ATXN7L1: variants seen among roughly 807,000 people sequenced by gnomAD.
ATXN7L1 encodes ataxin-7-like protein 1.
Under a neutral mutation model 70.8 loss-of-function variants are expected in ATXN7L1, and 15 were observed. That is an observed-to-expected ratio of 0.21 (90% CI 0.14 to 0.33). The LOEUF (loss-of-function observed/expected upper bound fraction) is 0.33, where lower values mean the gene tolerates loss of function less well. ATXN7L1 is among the 10% of genes least tolerant of loss of function. The pLI is 1.00. For missense variants in ATXN7L1, 975 were observed against 1,097.1 expected (o/e 0.89, Z 1.57); for synonymous variants, 440 against 445.1 (o/e 0.99, Z 0.14).
intron 3 of ATXN7L1, among the ~76,000 whole-genome samples, chr7:105,738,614 T>G (rs952607963): frequency 8.5e-5 from 13 of 152,226 alleles, no homozygotes; most frequent in Non-Finnish European, 1.9e-4. Flanking sequence ...AAATTGACGA[T>G]CAATGATTTT....
At chr7:105,737,528 C>CGCGTGT (rs1797526153) in intron 3 of ATXN7L1, among the ~76,000 whole-genome samples, 4 of 148,728 alleles carry the variant, frequency 2.7e-5, no homozygotes, top group African/African-American at 9.8e-5. Context: ...CTAACGTCCC[C>CGCGTGT]GTGTGTGTGT....
At chr7:105,778,502 C>A (rs1206526262) in intron 3 of ATXN7L1, among the ~76,000 whole-genome samples, 2 of 127,344 alleles carry the variant, frequency 1.6e-5, no homozygotes, top group African/African-American at 3.3e-5. Flanking sequence ...CAGAGGAAGA[C>A]CCTATCTCAA....
At chr7:105,758,325 C>T (rs1330829061) in intron 3 of ATXN7L1, among the ~76,000 whole-genome samples, 2 of 152,184 alleles carry the variant, frequency 1.3e-5, no homozygotes, top group Non-Finnish European at 2.9e-5. Context: ...GTGATTAATC[C>T]TCATACCACC....
At chr7:105,685,078 AT>A (rs1214103441) in intron 3 of ATXN7L1, among the ~76,000 whole-genome samples, 5 of 136,410 alleles carry the variant, frequency 3.7e-5, no homozygotes, top group East Asian at 4.3e-4. Flanking sequence ...AATAATAATA[AT>A]AATAATAAAT....
At chr7:105,765,768 C>T (rs1425803114) in intron 3 of ATXN7L1, among the ~76,000 whole-genome samples, 1 of 152,154 alleles carries the variant, frequency 6.6e-6, no homozygotes, top group Non-Finnish European at 1.5e-5. Flanking sequence ...TTATGGTCAC[C>T]AGCATTAGTA....
chr7:105,758,966 G>A (rs550869033), intron 3 of ATXN7L1, among the ~76,000 whole-genome samples: 3 of 152,254 alleles, frequency 2.0e-5, no homozygotes, highest in East Asian at 3.9e-4. Context: ...AAGGGGGTCC[G>A]TGGGGTGGCC....
chr7:105,782,249 G>T (rs548550931), intron 3 of ATXN7L1, among the ~76,000 whole-genome samples: 1 of 152,336 alleles, frequency 6.6e-6, no homozygotes, highest in South Asian at 2.1e-4. Flanking sequence ...GGACAGAGAT[G>T]CCTGCAGAGT....
chr7:105,852,750 T>A (rs1815067399), intron 2 of ATXN7L1, among the ~76,000 whole-genome samples: 1 of 151,592 alleles, frequency 6.6e-6, no homozygotes, highest in Non-Finnish European at 1.5e-5. Flanking sequence ...CAGGTATACA[T>A]TTGACCCACT....
intron 3 of ATXN7L1, among the ~76,000 whole-genome samples, chr7:105,779,627 G>C (rs1358495910): frequency 1.3e-5 from 2 of 152,154 alleles, no homozygotes; most frequent in Non-Finnish European, 2.9e-5. Flanking sequence ...CTTTACTAGG[G>C]ATGGTGGAAA....
At chr7:105,827,604 C>T (rs920630668) in intron 2 of ATXN7L1, among the ~76,000 whole-genome samples, 3 of 152,118 alleles carry the variant, frequency 2.0e-5, no homozygotes, top group African/African-American at 4.8e-5. Context: ...TTCATATATT[C>T]GGGTTCCGCA....
intron 3 of ATXN7L1, among the ~76,000 whole-genome samples, chr7:105,737,209 T>C (rs1584883762): frequency 6.6e-6 from 1 of 152,366 alleles, no homozygotes; most frequent in African/African-American, 2.4e-5. Context: ...TTGCCATAGA[T>C]TTTCACATAC....
At chr7:105,736,179 A>C (rs977736631) in intron 3 of ATXN7L1, among the ~76,000 whole-genome samples, 1 of 152,192 alleles carries the variant, frequency 6.6e-6, no homozygotes, top group African/African-American at 2.4e-5. Flanking sequence ...TCAGTCACCG[A>C]GTGGCAACAG....
At chr7:105,782,419 C>T (rs1803663436) in intron 3 of ATXN7L1, among the ~76,000 whole-genome samples, 2 of 152,194 alleles carry the variant, frequency 1.3e-5, no homozygotes, top group Non-Finnish European at 2.9e-5. Context: ...GTCTAAAAGG[C>T]TGTTGGTACA....
chr7:105,664,519 T>TA (rs1216943033), intron 4 of ATXN7L1, among the ~76,000 whole-genome samples: 3 of 144,886 alleles, frequency 2.1e-5, no homozygotes, highest in Non-Finnish European at 4.5e-5. Context: ...AATATATATA[T>TA]ACATATGTAT....
At chr7:105,699,379 G>A (rs1228894066) in intron 3 of ATXN7L1, among the ~76,000 whole-genome samples, 2 of 152,058 alleles carry the variant, frequency 1.3e-5, no homozygotes, top group African/African-American at 2.4e-5. Flanking sequence ...TGATCTGCCT[G>A]CCTCAGCCTC....
chr7:105,800,878 A>G (rs1001631463), intron 2 of ATXN7L1, among the ~76,000 whole-genome samples: 1 of 152,244 alleles, frequency 6.6e-6, no homozygotes, highest in Non-Finnish European at 1.5e-5. Context: ...CAAGAAATTT[A>G]GCTGAATTTT....
In ATXN7L1 at chr7:105,816,662, G is replaced by A. The variant is rs556239211; in HGVS notation, c.251-27954C>T. The stretch of plus-strand genomic sequence containing the variant: ...ACCATACCTGTTCCTGGCCCAAGTG[G>A]AGGCCCCAGTGGGAAATGTGTGTGC... On this transcript the variant is annotated intron_variant, in intron 2 of 11. Transcript: ENST00000419735. Among the ~76,000 whole-genome samples, 2 of 152,346 alleles carry A rather than the reference G, an allele frequency of 1.3e-5. 1 individual carries two copies. The highest frequency in any genetic ancestry group is 4.1e-4 in the South Asian group (2 of 4,824).
At chr7:105,773,185 TC>T (rs1254154625) in intron 3 of ATXN7L1, among the ~76,000 whole-genome samples, 2 of 152,206 alleles carry the variant, frequency 1.3e-5, no homozygotes, top group Admixed American at 6.5e-5. Flanking sequence ...ATCAGGGGTA[TC>T]ACAAGAAGCA....
At chr7:105,812,837 G>GA (rs1418347856) in intron 2 of ATXN7L1, among the ~76,000 whole-genome samples, 2 of 152,132 alleles carry the variant, frequency 1.3e-5, no homozygotes, top group South Asian at 2.1e-4. Flanking sequence ...CCTGTCTCTA[G>GA]AAAAAACACA....
Sources: gnomAD v4.1 joint callset for allele counts (sites outside exome capture counted in the v4.1 genomes callset) on GRCh38, gnomAD v4.1.1 for gene constraint, MANE v1.5 for transcripts, NCBI Gene and HGNC (gene_info 2026-07-23, HGNC 2026-07-21) for gene names.